The following SEC63 variants were observed in gnomAD, a reference collection of about 807,000 sequenced individuals.
The protein encoded by SEC63 is translocation protein SEC63 homolog.
A neutral mutation model predicts 116.2 loss-of-function variants in SEC63; 56 were observed. The observed-to-expected ratio is 0.48, with a 90% CI of 0.39 to 0.60. The LOEUF (loss-of-function observed/expected upper bound fraction) is 0.60. SEC63 is among the 20% of genes least tolerant of loss of function. The pLI is 0.00. For missense variants in SEC63, 668 were observed against 900.0 expected (o/e 0.74, Z 3.30); for synonymous variants, 273 against 294.6 (o/e 0.93, Z 0.75).
intron 16 of SEC63, among the ~76,000 whole-genome samples, chr6:107,890,144 TTCTG>T (rs1786645788): frequency 6.6e-6 from 1 of 151,144 alleles, no homozygotes. Context: ...CTTGTTAATT[TTCTG>T]TCTAATATTG....
chr6:107,929,423 A>C lies in SEC63; in HGVS notation c.216T>G (p.Pro72=), dbSNP rs1053155866. 2.6e-6 allele frequency: 4 copies of C among 1,541,368 alleles called. No homozygotes were observed. Among genetic ancestry groups the C allele is most frequent in the Non-Finnish European group, 3.6e-6 (4 of 1,114,122 alleles). ...RLLKPQPNII[P]TVKKIVLLAG... is the part of the protein sequence containing the mutation. ...TGAAATCCATTACTTACTTTACTGT[A>C]GGAATAATATTTGGCTGGGGTTTTA... is the stretch of plus-strand genomic sequence containing the variant. Residue 72 remains proline, a synonymous_variant, in exon 2 of 21, where the codon CCT becomes CCG. Transcript: ENST00000369002.
intron 16 of SEC63, among the ~76,000 whole-genome samples, chr6:107,884,135 T>G (rs1244189062): frequency 6.6e-6 from 1 of 151,118 alleles, no homozygotes; most frequent in Non-Finnish European, 1.5e-5. Flanking sequence ...CTGGGCATGG[T>G]GGCACATGCC....
intron 16 of SEC63, among the ~76,000 whole-genome samples, chr6:107,885,453 A>G (rs1390833319): frequency 6.6e-6 from 1 of 152,240 alleles, no homozygotes; most frequent in Non-Finnish European, 1.5e-5. Flanking sequence ...AAGATGTGCC[A>G]TACCTCTGCC....
chr6:107,912,224 G>T (rs1015139378), intron 6 of SEC63, among the ~76,000 whole-genome samples: 2 of 152,174 alleles, frequency 1.3e-5, no homozygotes, highest in African/African-American at 4.8e-5. Flanking sequence ...TGCAGTGATT[G>T]AAGTCTGATA....
chr6:107,899,237 T>C (rs1175394413), intron 13 of SEC63, among the ~76,000 whole-genome samples: 2 of 152,202 alleles, frequency 1.3e-5, no homozygotes, highest in Admixed American at 1.3e-4. Context: ...ATATTTCTTC[T>C]ACTCCTCCTT....
intron 18 of SEC63, among the ~76,000 whole-genome samples, chr6:107,880,503 G>A (rs3734760): frequency 0.72 from 109,969 of 152,156 alleles, 42,839 homozygotes; most frequent in South Asian, 0.9. Context: ...CAAGGAGATC[G>A]AAAGTTGAGC....
intron 16 of SEC63, among the ~76,000 whole-genome samples, chr6:107,887,773 G>A (rs915857488): frequency 6.6e-6 from 1 of 152,066 alleles, no homozygotes; most frequent in Non-Finnish European, 1.5e-5. Flanking sequence ...TTTTGTATAA[G>A]ATGTAAGGAA....
At chr6:107,876,938 C>A (rs1562312523) in intron 18 of SEC63, 1 of 375,748 alleles carries the variant, frequency 2.7e-6, no homozygotes, top group East Asian at 5.3e-5. Flanking sequence ...CCCTGACTAA[C>A]CTTAAGTAAC....
At chr6:107,935,119 G>C (rs1403587547) in intron 1 of SEC63, among the ~76,000 whole-genome samples, 4 of 139,254 alleles carry the variant, frequency 2.9e-5, no homozygotes, top group African/African-American at 1.1e-4. Context: ...GGAGGGAGGT[G>C]GGGGGGTCAG....
intron 13 of SEC63, among the ~76,000 whole-genome samples, chr6:107,900,040 C>G (rs546773421): frequency 2.0e-5 from 3 of 152,298 alleles, no homozygotes; most frequent in African/African-American, 7.2e-5. Context: ...GAGGGTATGT[C>G]TTACCACTGC....
chr6:107,951,241 GT>G (rs1304088402), intron 1 of SEC63, among the ~76,000 whole-genome samples: 1 of 152,188 alleles, frequency 6.6e-6, no homozygotes, highest in Non-Finnish European at 1.5e-5. Context: ...ATTTCAAAAT[GT>G]TAAGGATATC....
chr6:107,894,015 C>CA, intron 14 of SEC63, 118 bp from the exon 15 acceptor site: 1 of 1,085,078 alleles, frequency 9.2e-7, no homozygotes, highest in Non-Finnish European at 1.4e-6. Flanking sequence ...CTACAATTGA[C>CA]AAAGAAGGAG....
intron 1 of SEC63, among the ~76,000 whole-genome samples, chr6:107,938,523 T>C (rs566725822): frequency 6.6e-6 from 1 of 150,716 alleles, no homozygotes; most frequent in African/African-American, 2.5e-5. Context: ...AGGATTACAG[T>C]TGTGAGACAC....
intron 1 of SEC63, among the ~76,000 whole-genome samples, chr6:107,944,627 G>T (rs1355947127): frequency 6.6e-6 from 1 of 152,108 alleles, no homozygotes; most frequent in Non-Finnish European, 1.5e-5. Context: ...AACCCGGGAA[G>T]TGGCGGTTGC....
intron 2 of SEC63, among the ~76,000 whole-genome samples, chr6:107,927,641 T>C (rs10456860): frequency 2.0e-5 from 3 of 152,170 alleles, no homozygotes; most frequent in Non-Finnish European, 4.4e-5. Context: ...CAGGTTCAGA[T>C]ACCCACAAAG....
At chr6:107,909,916 C>G (rs1034267421) in intron 7 of SEC63, among the ~76,000 whole-genome samples, 7 of 152,112 alleles carry the variant, frequency 4.6e-5, no homozygotes, top group Non-Finnish European at 5.9e-5. Context: ...TGTATGGTAT[C>G]TCCGTATTAT....
At chr6:107,954,327 T>C (rs190341549) in intron 1 of SEC63, among the ~76,000 whole-genome samples, 2,250 of 152,004 alleles carry the variant, frequency 0.015, 21 homozygotes, top group Middle Eastern at 0.027. Context: ...ACACAAACAC[T>C]GCGGAAGGCC....
At chr6:107,889,413 T>C (rs905410847) in intron 16 of SEC63, among the ~76,000 whole-genome samples, 1 of 152,206 alleles carries the variant, frequency 6.6e-6, no homozygotes, top group Non-Finnish European at 1.5e-5. Context: ...TGGTAGTTTG[T>C]ATTTCTGTGG....
intron 1 of SEC63, among the ~76,000 whole-genome samples, chr6:107,930,426 G>A (rs1378003681): frequency 6.6e-6 from 1 of 151,028 alleles, no homozygotes; most frequent in Non-Finnish European, 1.5e-5. Context: ...GCCTCAACAT[G>A]GAGAAACCCT....
Sources: allele counts gnomAD v4.1 joint callset (sites outside exome capture counted in the v4.1 genomes callset), GRCh38; gene constraint gnomAD v4.1.1; transcripts MANE v1.5; gene names NCBI Gene and HGNC (gene_info 2026-07-23, HGNC 2026-07-21).